Variants in CNTNAP2 observed in about 807,000 individuals in gnomAD.
CNTNAP2 encodes contactin associated protein 2.
A neutral mutation model predicts 155.2 loss-of-function variants in CNTNAP2; 98 were observed. The ratio of observed to expected loss-of-function variants is 0.63; its 90% CI spans 0.54 to 0.75. CNTNAP2 has a LOEUF of 0.75. Among genes scored for constraint, CNTNAP2 ranks in the 30% least tolerant of loss-of-function variants. The probability of loss-of-function intolerance (pLI) is 0.00; values close to 1 mark genes in which losing one functional copy is unlikely to be tolerated. For missense variants in CNTNAP2, 1,727 were observed against 1,688.1 expected (o/e 1.02, Z -0.40); for synonymous variants, 651 against 631.2 (o/e 1.03, Z -0.47).
At chr7:147,817,987 T>C (rs1490899341) in intron 13 of CNTNAP2, among the ~76,000 whole-genome samples, 1 of 151,916 alleles carries the variant, frequency 6.6e-6, no homozygotes, top group Non-Finnish European at 1.5e-5. Flanking sequence ...ATCTAAATGA[T>C]GAGTTTATGG....
rs571709751 is a variant in CNTNAP2, at chr7:148,405,732, C to A, written c.3716-3659C>A. Among the ~76,000 whole-genome samples, 150 of 148,546 alleles carry A rather than the reference C, an allele frequency of 1.0e-3. 1 individual carries two copies. The highest frequency in any genetic ancestry group is 1.8e-3 in the Non-Finnish European group (121 of 67,516). On this transcript the variant is annotated intron_variant, in intron 22 of 23. Coordinates refer to ENST00000361727, the MANE Select transcript of CNTNAP2 (RefSeq NM_014141.6). The stretch of plus-strand genomic sequence containing the variant: ...CCAGGTTCAAGTGATTCTCCTGCCT[C>A]AGCCTCCCGAGTAGCTGGGACTACA...
chr7:148,216,243 T>G (rs1425365007), intron 18 of CNTNAP2, among the ~76,000 whole-genome samples: 2 of 152,222 alleles, frequency 1.3e-5, no homozygotes, highest in East Asian at 3.9e-4. Context: ...AAAAGGCTGA[T>G]GCAGGAAGGG....
intron 1 of CNTNAP2, among the ~76,000 whole-genome samples, chr7:146,335,214 C>G (rs550733960): frequency 2.0e-5 from 3 of 152,220 alleles, no homozygotes; most frequent in South Asian, 4.1e-4. Context: ...TTCATTATGA[C>G]AAAAATATAC....
chr7:146,968,102 T>C (rs1797696996), intron 3 of CNTNAP2, among the ~76,000 whole-genome samples: 1 of 151,318 alleles, frequency 6.6e-6, no homozygotes, highest in Non-Finnish European at 1.5e-5. Flanking sequence ...GTTTATATGC[T>C]GGATTACATT....
At chr7:148,108,621 C>G (rs867007260) in intron 15 of CNTNAP2, among the ~76,000 whole-genome samples, 2 of 140,448 alleles carry the variant, frequency 1.4e-5, no homozygotes, top group Non-Finnish European at 3.0e-5. Flanking sequence ...ACTGCAAGCT[C>G]TCATGCATGA....
intron 13 of CNTNAP2, among the ~76,000 whole-genome samples, chr7:147,858,920 G>C (rs897151059): frequency 6.6e-6 from 1 of 152,158 alleles, no homozygotes; most frequent in East Asian, 1.9e-4. Flanking sequence ...TTTGTTTGAA[G>C]CTACCCAGTT....
chr7:147,775,301 ATATT>A (rs1247758886), intron 13 of CNTNAP2, among the ~76,000 whole-genome samples: 25 of 47,598 alleles, frequency 5.3e-4, no homozygotes, highest in African/African-American at 3.2e-3. Flanking sequence ...ATATTTATAT[ATATT>A]TATAAATATA....
intron 17 of CNTNAP2, among the ~76,000 whole-genome samples, chr7:148,161,299 C>T (rs796868679): frequency 5.5e-4 from 83 of 152,264 alleles, no homozygotes; most frequent in African/African-American, 1.8e-3. Context: ...GCCCTTATTT[C>T]GCAGTGCTTG....
chr7:147,668,301 A>G (rs960969597), intron 13 of CNTNAP2, among the ~76,000 whole-genome samples: 13 of 152,244 alleles, frequency 8.5e-5, no homozygotes, highest in Admixed American at 3.3e-4. Flanking sequence ...GAATGTTCAT[A>G]GTGCATTGTC....
intron 12 of CNTNAP2, among the ~76,000 whole-genome samples, chr7:147,564,880 T>C (rs1350505445): frequency 6.6e-6 from 1 of 152,158 alleles, no homozygotes; most frequent in East Asian, 1.9e-4. Flanking sequence ...CAAACATCAG[T>C]GTGTTCAAGG....
chr7:147,176,680 AATATATAATAGAATTATATATT>A (rs560395419), intron 8 of CNTNAP2, among the ~76,000 whole-genome samples: 41,611 of 113,612 alleles, frequency 0.37, 8,381 homozygotes, highest in East Asian at 0.59. Context: ...TATTTTATAT[AATATATAATAGAATTATATATT>A]ATATATAATA....
intron 1 of CNTNAP2, among the ~76,000 whole-genome samples, chr7:146,773,023 G>T (rs916451039): frequency 6.6e-6 from 1 of 152,118 alleles, no homozygotes; most frequent in Non-Finnish European, 1.5e-5. Context: ...GAGTTGAAGT[G>T]AGGCAGTAGG....
intron 15 of CNTNAP2, among the ~76,000 whole-genome samples, chr7:148,028,820 C>T (rs895441512): frequency 3.9e-5 from 6 of 152,100 alleles, no homozygotes; most frequent in Admixed American, 3.3e-4. Context: ...GGAAACAACA[C>T]CATCTCCCCA....
chr7:146,413,375 A>G (rs1236057063), intron 1 of CNTNAP2, among the ~76,000 whole-genome samples: 1 of 152,188 alleles, frequency 6.6e-6, no homozygotes, highest in Non-Finnish European at 1.5e-5. Flanking sequence ...CCAAGATCCC[A>G]AAAAGGAAAT....
At chr7:148,157,571 C>CAAAAAAAAAAAAAAAAAAAAAAAAA (rs60716582) in intron 17 of CNTNAP2, among the ~76,000 whole-genome samples, 3 of 111,226 alleles carry the variant, frequency 2.7e-5, no homozygotes, top group African/African-American at 3.6e-5. Flanking sequence ...GCAGAAGCAG[C>CAAAAAAAAAAAAAAAAAAAAAAAAA]AAAAAAAAAA....
rs61134041 is a variant in CNTNAP2, at chr7:146,641,718, G to A, written c.98-132553G>A. 6.6e-5 allele frequency among the ~76,000 whole-genome samples: 10 copies of A among 152,188 alleles called. No individual in the cohort carries two copies. The East Asian group carries it at 1.2e-3, about 18-fold the overall frequency. On this transcript the variant is annotated intron_variant, in intron 1 of 23. Coordinates refer to ENST00000361727, the MANE Select transcript of CNTNAP2 (RefSeq NM_014141.6). ...CTTAAGAGTTTCATGCAGGTGTTTC[G>A]GAGGAGAGAGAAAAAAATGTTTTTC...
At chr7:146,352,815 T>C (rs182107796) in intron 1 of CNTNAP2, among the ~76,000 whole-genome samples, 2,815 of 137,502 alleles carry the variant, frequency 0.02, 41 homozygotes, top group Middle Eastern at 0.036. Flanking sequence ...AGTTCAGTGG[T>C]GCGATCTCGG....
intron 10 of CNTNAP2, among the ~76,000 whole-genome samples, chr7:147,409,160 T>C (rs1046845553): frequency 2.6e-5 from 4 of 152,164 alleles, no homozygotes; most frequent in African/African-American, 9.7e-5. Flanking sequence ...ATCTGGAAGA[T>C]GGTGAAAACC....
chr7:146,170,071 G>A (rs978482062), intron 1 of CNTNAP2, among the ~76,000 whole-genome samples: 6 of 148,676 alleles, frequency 4.0e-5, no homozygotes, highest in African/African-American at 1.5e-4. Context: ...CGCAGGCTGA[G>A]GCTGGAGTGC....
Sources: allele counts gnomAD v4.1 joint callset (sites outside exome capture counted in the v4.1 genomes callset), GRCh38; gene constraint gnomAD v4.1.1; transcripts MANE v1.5; gene names NCBI Gene and HGNC (gene_info 2026-07-23, HGNC 2026-07-21).